The following ADAMTS3 variants were observed in gnomAD, a reference collection of about 807,000 sequenced individuals.
ADAMTS3 encodes ADAM metallopeptidase with thrombospondin type 1 motif 3, also known as A disintegrin and metalloproteinase with thrombospondin motifs 3.
A neutral mutation model predicts 129.0 loss-of-function variants in ADAMTS3; 73 were observed. The ratio of observed to expected loss-of-function variants is 0.57; its 90% CI spans 0.47 to 0.69. The LOEUF is 0.69. Ranked by LOEUF, ADAMTS3 falls within the 30% of genes least tolerant of loss-of-function variation. The probability of loss-of-function intolerance (pLI) is 0.00; values close to 1 mark genes in which losing one functional copy is unlikely to be tolerated. For missense variants in ADAMTS3, 1,457 were observed against 1,514.5 expected (o/e 0.96, Z 0.63); for synonymous variants, 477 against 510.8 (o/e 0.93, Z 0.89).
At chr4:72,420,541 C>T (rs183475270) in intron 3 of ADAMTS3, among the ~76,000 whole-genome samples, 11 of 152,270 alleles carry the variant, frequency 7.2e-5, no homozygotes, top group Admixed American at 7.2e-4. Flanking sequence ...TACTGTCCTC[C>T]GACACACTCG....
At chr4:72,567,062 A>G (rs1157164697) in intron 2 of ADAMTS3, among the ~76,000 whole-genome samples, 2 of 152,134 alleles carry the variant, frequency 1.3e-5, no homozygotes. Flanking sequence ...ATTTTATTTC[A>G]TTCATCTCCA....
intron 16 of ADAMTS3, among the ~76,000 whole-genome samples, chr4:72,304,406 C>G (rs1429331371): frequency 6.6e-6 from 1 of 151,998 alleles, no homozygotes; most frequent in East Asian, 1.9e-4. Context: ...CCTTAGAAAA[C>G]TGGGAATATC....
At chr4:72,442,107 T>C (rs1166402790) in intron 3 of ADAMTS3, 2 of 151,828 alleles carry the variant, frequency 1.3e-5, no homozygotes, top group Non-Finnish European at 2.9e-5. Context: ...GGCTGAGGTC[T>C]AGGAACATTT....
intron 3 of ADAMTS3, among the ~76,000 whole-genome samples, chr4:72,458,339 A>T (rs191934326): frequency 1.3e-5 from 2 of 151,656 alleles, no homozygotes; most frequent in East Asian, 3.9e-4. Context: ...CAACTAAAGA[A>T]TAAGCAATCA....
At chr4:72,416,526 C>G (rs539973303) in intron 3 of ADAMTS3, among the ~76,000 whole-genome samples, 25 of 152,222 alleles carry the variant, frequency 1.6e-4, no homozygotes, top group African/African-American at 4.8e-4. Context: ...CTTAAAAGAG[C>G]ATTGAGCTAG....
rs1402136881 is a variant in ADAMTS3, at chr4:72,479,613, C to T, written c.505-64642G>A. Among the ~76,000 whole-genome samples, 6 of 152,226 alleles carry T rather than the reference C, an allele frequency of 3.9e-5. No individual in the cohort carries two copies. In the East Asian group the frequency reaches 5.8e-4, roughly 15 times the overall value. ...ACCCTAGAAGAAAACCTAGGCATTACCATTCAGGACATAGGCATGGGCAAG... is the reference window on the plus strand; with the variant it reads ...ACCCTAGAAGAAAACCTAGGCATTATCATTCAGGACATAGGCATGGGCAAG... On this transcript the variant is annotated intron_variant, in intron 3 of 21. Coordinates refer to ENST00000286657, the MANE Select transcript of ADAMTS3 (RefSeq NM_014243.3).
chr4:72,325,496 A>C (rs1198494475), intron 5 of ADAMTS3, among the ~76,000 whole-genome samples: 1 of 152,194 alleles, frequency 6.6e-6, no homozygotes, highest in Non-Finnish European at 1.5e-5. Context: ...GGCTTCTTGT[A>C]AGGCAGCTGT....
At chr4:72,512,790 A>G (rs948330345) in intron 3 of ADAMTS3, among the ~76,000 whole-genome samples, 2 of 152,194 alleles carry the variant, frequency 1.3e-5, no homozygotes, top group African/African-American at 2.4e-5. Flanking sequence ...CCTAAAATTT[A>G]CATTCATTTT....
chr4:72,360,377 C>A (rs769272459), intron 4 of ADAMTS3, among the ~76,000 whole-genome samples: 9 of 152,102 alleles, frequency 5.9e-5, no homozygotes, highest in Admixed American at 2.6e-4. Flanking sequence ...CAATAATTAA[C>A]CAAAGGTCCA....
At chr4:72,304,586 G>A (rs1361745609) in intron 16 of ADAMTS3, among the ~76,000 whole-genome samples, 3 of 151,972 alleles carry the variant, frequency 2.0e-5, no homozygotes, top group Non-Finnish European at 4.4e-5. Flanking sequence ...TCTCATGATT[G>A]TAAAATTCCA....
intron 3 of ADAMTS3, among the ~76,000 whole-genome samples, chr4:72,542,464 CCT>C (rs1255312267): frequency 1.3e-5 from 2 of 152,070 alleles, no homozygotes; most frequent in Non-Finnish European, 2.9e-5. Flanking sequence ...GCGCCCGGCC[CCT>C]GTTATCATTA....
chr4:72,410,001 T>G (rs1722148211), intron 4 of ADAMTS3, among the ~76,000 whole-genome samples: 1 of 152,158 alleles, frequency 6.6e-6, no homozygotes, highest in African/African-American at 2.4e-5. Context: ...AGTAATTTAG[T>G]AATATTATGT....
rs536417352 is a variant in ADAMTS3, at chr4:72,426,811, T to A, written c.505-11840A>T. Among the ~76,000 whole-genome samples the A allele has an allele frequency of 7.4e-3, 1,129 of 152,112 alleles. 9 individuals carry two copies. The highest frequency in any genetic ancestry group is 0.026 in the African/African-American group (1,091 of 41,484). On this transcript the variant is annotated intron_variant, in intron 3 of 21. Coordinates refer to ENST00000286657, the MANE Select transcript of ADAMTS3 (RefSeq NM_014243.3). ...GAGAGGCTGAGATGAGAGGACTTGC[T>A]TGAACCCTGGAGGTCAAGACTGCAG... is the stretch of plus-strand genomic sequence containing the variant.
At chr4:72,377,884 T>C (rs920457739) in intron 4 of ADAMTS3, among the ~76,000 whole-genome samples, 1 of 152,178 alleles carries the variant, frequency 6.6e-6, no homozygotes, top group Non-Finnish European at 1.5e-5. Flanking sequence ...AACTAAAAAC[T>C]GGAAAATCAG....
chr4:72,557,722 T>C (rs1267456340), intron 2 of ADAMTS3, among the ~76,000 whole-genome samples: 2 of 151,942 alleles, frequency 1.3e-5, no homozygotes, highest in East Asian at 3.9e-4. Flanking sequence ...CATTCTTTAC[T>C]GTACTAGAAC....
intron 4 of ADAMTS3, among the ~76,000 whole-genome samples, chr4:72,391,887 C>T (rs1471200276): frequency 6.6e-6 from 1 of 152,084 alleles, no homozygotes; most frequent in Non-Finnish European, 1.5e-5. Flanking sequence ...AAGAAGATAA[C>T]CTACAATCTG....
intron 3 of ADAMTS3, among the ~76,000 whole-genome samples, chr4:72,497,177 G>T (rs537498208): frequency 6.6e-6 from 1 of 151,802 alleles, no homozygotes; most frequent in Non-Finnish European, 1.5e-5. Flanking sequence ...TAAAGCTGTT[G>T]GAAGTATTTT....
chr4:72,350,689 C>T (rs1377664821), intron 4 of ADAMTS3, among the ~76,000 whole-genome samples: 1 of 151,974 alleles, frequency 6.6e-6, no homozygotes, highest in African/African-American at 2.4e-5. Context: ...TGAGGCCAGA[C>T]CCGTCTGTCT....
chr4:72,366,223 T>C (rs914627696), intron 4 of ADAMTS3, among the ~76,000 whole-genome samples: 16 of 152,202 alleles, frequency 1.1e-4, no homozygotes, highest in Admixed American at 9.2e-4. Flanking sequence ...ATTTAACCAG[T>C]ATGTGCTGAG....
Sources: gnomAD v4.1 joint callset for allele counts (sites outside exome capture counted in the v4.1 genomes callset) on GRCh38, gnomAD v4.1.1 for gene constraint, MANE v1.5 for transcripts, NCBI Gene and HGNC (gene_info 2026-07-23, HGNC 2026-07-21) for gene names.